Variants in COL22A1 observed in about 807,000 individuals in gnomAD.
COL22A1 encodes the protein collagen type XXII alpha 1 chain.
Under a neutral mutation model 248.9 loss-of-function variants are expected in COL22A1, and 221 were observed. That is an observed-to-expected ratio of 0.89 (90% confidence interval 0.80 to 0.99). The LOEUF (loss-of-function observed/expected upper bound fraction) is 0.99. Ranked by LOEUF, COL22A1 falls within the 50% of genes least tolerant of loss-of-function variation. The probability of loss-of-function intolerance (pLI) is 0.00; values close to 1 mark genes in which losing one functional copy is unlikely to be tolerated. For missense variants in COL22A1, 2,240 were observed against 2,179.0 expected (o/e 1.03, Z -0.56); for synonymous variants, 891 against 793.4 (o/e 1.12, Z -2.07).
At chr8:138,608,726 A>G (rs1176178363) in intron 56 of COL22A1, among the ~76,000 whole-genome samples, 4 of 152,200 alleles carry the variant, frequency 2.6e-5, no homozygotes, top group African/African-American at 9.6e-5. Context: ...AATTTCTATG[A>G]AGCCAAAAAT....
chr8:138,856,241 C>G (rs1352446497), intron 3 of COL22A1, among the ~76,000 whole-genome samples: 1 of 152,256 alleles, frequency 6.6e-6, no homozygotes, highest in African/African-American at 2.4e-5. Context: ...TGTGAGCACT[C>G]CCAACAGACT....
At chr8:138,756,630 T>A (rs1205575197) in intron 18 of COL22A1, among the ~76,000 whole-genome samples, 1 of 152,174 alleles carries the variant, frequency 6.6e-6, no homozygotes, top group African/African-American at 2.4e-5. Context: ...AAACCTGTTG[T>A]TAATGAAGCT....
At chr8:138,892,547 CAGCCCTGAGCTGTTTTCA>C (rs1006475229) in intron 1 of COL22A1, among the ~76,000 whole-genome samples, 38 of 152,336 alleles carry the variant, frequency 2.5e-4, no homozygotes, top group African/African-American at 8.9e-4. Context: ...CTCTCTCACC[CAGCCCTGAGCTGTTTTCA>C]GGGGTTAGCT....
At position 138,594,024 on chromosome 8, in the gene COL22A1, A is replaced by G. The variant is rs1408969310; in HGVS notation, c.4608T>C (p.Gly1536=). 5.1e-6 allele frequency: 8 copies of G among 1,569,040 alleles called. No individual in the cohort carries two copies. The highest frequency in any genetic ancestry group is 6.9e-6 in the Non-Finnish European group (8 of 1,164,500). ...CTCCAGGTCTTCACTCACCTTTGGGACCTATGGGTCCAGAGGGTCCTTCCA... is the reference window on the plus strand; with the variant it reads ...CTCCAGGTCTTCACTCACCTTTGGGGCCTATGGGTCCAGAGGGTCCTTCCA... ...GGLEGPSGPI[G]PKGERGAKGD... is the part of the protein sequence containing the mutation. Residue 1536 remains glycine, a synonymous_variant, in exon 63 of 65, where the codon GGT becomes GGC. Coordinates refer to ENST00000303045, the MANE Select transcript of COL22A1 (RefSeq NM_152888.3).
At chr8:138,848,704 A>T (rs1821423810) in intron 3 of COL22A1, among the ~76,000 whole-genome samples, 1 of 152,156 alleles carries the variant, frequency 6.6e-6, no homozygotes, top group African/African-American at 2.4e-5. Context: ...ACTCACAACA[A>T]CCATCCTACA....
At chr8:138,675,087 T>A (rs890098950) in intron 41 of COL22A1, among the ~76,000 whole-genome samples, 2 of 152,196 alleles carry the variant, frequency 1.3e-5, no homozygotes, top group Non-Finnish European at 2.9e-5. Context: ...CAGGAAGATC[T>A]AAGAAGACAC....
intron 44 of COL22A1, among the ~76,000 whole-genome samples, chr8:138,657,871 G>A (rs1823427524): frequency 6.6e-6 from 1 of 152,228 alleles, no homozygotes; most frequent in Non-Finnish European, 1.5e-5. Flanking sequence ...TGGCCTCAAG[G>A]TGGGACAGCT....
chr8:138,721,644 A>G (rs1236591480), intron 26 of COL22A1, among the ~76,000 whole-genome samples: 1 of 152,224 alleles, frequency 6.6e-6, no homozygotes, highest in Non-Finnish European at 1.5e-5. Context: ...CCCAGGCTAT[A>G]GTGCAATGGC....
chr8:138,899,216 C>A (rs1476803101), intron 1 of COL22A1, among the ~76,000 whole-genome samples: 8 of 152,122 alleles, frequency 5.3e-5, no homozygotes, highest in Non-Finnish European at 8.8e-5. Flanking sequence ...ATTGTCCAAT[C>A]ACAATGTAAG....
At chr8:138,856,906 G>A (rs1822073100) in intron 3 of COL22A1, among the ~76,000 whole-genome samples, 1 of 152,096 alleles carries the variant, frequency 6.6e-6, no homozygotes, top group Admixed American at 6.5e-5. Flanking sequence ...TGACCTCTCT[G>A]GCTGCTCCCC....
At chr8:138,899,424 C>T (rs537131400) in intron 1 of COL22A1, among the ~76,000 whole-genome samples, 1 of 152,188 alleles carries the variant, frequency 6.6e-6, no homozygotes, top group Non-Finnish European at 1.5e-5. Flanking sequence ...ACAATACCCT[C>T]AAGGGTTCAG....
intron 22 of COL22A1, among the ~76,000 whole-genome samples, chr8:138,741,076 A>G (rs1831520145): frequency 6.6e-6 from 1 of 152,172 alleles, no homozygotes; most frequent in East Asian, 1.9e-4. Flanking sequence ...CCTAAGCAAG[A>G]GCCCAAATGG....
chr8:138,858,946 A>G (rs1019110440), intron 3 of COL22A1, among the ~76,000 whole-genome samples: 2 of 152,144 alleles, frequency 1.3e-5, no homozygotes, highest in Non-Finnish European at 2.9e-5. Context: ...GAAACATGGT[A>G]TGACGAAGCC....
chr8:138,903,693 C>T (rs1447540324), intron 1 of COL22A1, among the ~76,000 whole-genome samples: 4 of 152,174 alleles, frequency 2.6e-5, no homozygotes, highest in Non-Finnish European at 5.9e-5. Context: ...CAGTAAAAAC[C>T]TCTCTCCTAC....
chr8:138,852,085 C>T (rs1586890049), intron 3 of COL22A1, among the ~76,000 whole-genome samples: 1 of 151,874 alleles, frequency 6.6e-6, no homozygotes, highest in East Asian at 1.9e-4. Flanking sequence ...TGGGAAAGGA[C>T]CTGGAGGTGA....
intron 37 of COL22A1, 28 bp downstream of exon 37, chr8:138,688,889 G>C (rs745932187): frequency 1.3e-6 from 2 of 1,597,228 alleles, no homozygotes; most frequent in African/African-American, 2.7e-5. Context: ...ATATTCACTT[G>C]TGTGCTGAGA....
intron 56 of COL22A1, among the ~76,000 whole-genome samples, chr8:138,609,599 G>A (rs1309777461): frequency 6.6e-6 from 1 of 152,144 alleles, no homozygotes; most frequent in Non-Finnish European, 1.5e-5. Context: ...GCTTCTCCCT[G>A]CACCTTCCTC....
At chr8:138,786,373 A>G (rs1815518275) in intron 12 of COL22A1, among the ~76,000 whole-genome samples, 1 of 152,210 alleles carries the variant, frequency 6.6e-6, no homozygotes, top group Non-Finnish European at 1.5e-5. Context: ...GCAAATACAT[A>G]GATTTTAAGA....
chr8:138,904,601 T>C (rs1413450603), intron 1 of COL22A1, among the ~76,000 whole-genome samples: 1 of 142,280 alleles, frequency 7.0e-6, no homozygotes, highest in East Asian at 2.0e-4. Context: ...TATTGAATTC[T>C]TCCCAATTTT....
Sources: gnomAD v4.1 joint callset for allele counts (sites outside exome capture counted in the v4.1 genomes callset) on GRCh38, gnomAD v4.1.1 for gene constraint, MANE v1.5 for transcripts, NCBI Gene and HGNC (gene_info 2026-07-23, HGNC 2026-07-21) for gene names.